SLC60A1: variants seen among roughly 807,000 people sequenced by gnomAD.
SLC60A1 encodes the protein solute carrier family 60 member 1.
At chr1:205,586,083 CTG>C in the SLC60A1 span, 2 of 1,613,332 alleles carry the variant, frequency 1.2e-6, no homozygotes, top group Non-Finnish European at 1.7e-6. Flanking sequence ...AAGCCCCTGT[CTG>C]TGGGACACAA....
the SLC60A1 span, among the ~76,000 whole-genome samples, chr1:205,577,479 G>A: frequency 1.3e-5 from 2 of 152,350 alleles, no homozygotes; most frequent in Non-Finnish European, 2.9e-5. The surrounding 1 kb of genome is among the most constrained non-coding windows in gnomAD (Gnocchi z 5.2). Context: ...AGCCAGCAGT[G>A]ATGCTCGCGA....
At chr1:205,592,105 G>GC in the SLC60A1 span, 1 of 1,611,496 alleles carries the variant, frequency 6.2e-7, no homozygotes. Flanking sequence ...TCAGCTTTTC[G>GC]CAATTCCTAA....
chr1:205,574,858 C>T, the SLC60A1 span, among the ~76,000 whole-genome samples: 6 of 152,190 alleles, frequency 3.9e-5, no homozygotes, highest in Admixed American at 2.0e-4. Flanking sequence ...CCATCATGCA[C>T]AAGTTGCAGC....
the SLC60A1 span, chr1:205,586,306 C>A: frequency 1.4e-6 from 2 of 1,404,108 alleles, no homozygotes; most frequent in Non-Finnish European, 2.0e-6. Flanking sequence ...CTACATTCTG[C>A]CAGCAGGATG....
chr1:205,579,956 C>T, the SLC60A1 span: 1 of 1,610,862 alleles, frequency 6.2e-7, no homozygotes, highest in Non-Finnish European at 8.5e-7. Flanking sequence ...CCAGGTAAGC[C>T]CGGCCAGCAG....
the SLC60A1 span, among the ~76,000 whole-genome samples, chr1:205,585,427 G>A: frequency 6.6e-6 from 1 of 152,158 alleles, no homozygotes; most frequent in African/African-American, 2.4e-5. The surrounding 1 kb of genome is among the most constrained non-coding windows in gnomAD (Gnocchi z 4.2). Flanking sequence ...AGGCCCAGCT[G>A]TTCATGCCAC....
the SLC60A1 span, chr1:205,592,241 C>G: frequency 6.2e-7 from 1 of 1,614,158 alleles, no homozygotes; most frequent in Non-Finnish European, 8.5e-7. Context: ...TCAGCAGCAC[C>G]TTCCCCAGCA....
chr1:205,580,858 G>A, the SLC60A1 span: 1 of 1,614,162 alleles, frequency 6.2e-7, no homozygotes, highest in East Asian at 2.2e-5. The surrounding 1 kb of genome is among the most constrained non-coding windows in gnomAD (Gnocchi z 5.0). Context: ...TCCCAGGGCT[G>A]ACTCCAAAGG....
the SLC60A1 span, among the ~76,000 whole-genome samples, chr1:205,591,498 AAAAAGG>A: frequency 3.7e-5 from 5 of 133,936 alleles, 1 homozygote; most frequent in East Asian, 2.2e-4. Context: ...AAAAAAAAAA[AAAAAGG>A]AAAGAAAAGA....
At chr1:205,575,179 G>T in the SLC60A1 span, among the ~76,000 whole-genome samples, 1 of 152,198 alleles carries the variant, frequency 6.6e-6, no homozygotes, top group Non-Finnish European at 1.5e-5. Flanking sequence ...CTTCTGGGCT[G>T]CTGCCCCTTT....
the SLC60A1 span, among the ~76,000 whole-genome samples, chr1:205,575,203 G>A: frequency 6.6e-6 from 1 of 152,166 alleles, no homozygotes; most frequent in African/African-American, 2.4e-5. Context: ...GGTGGATAGG[G>A]GCTAGGGACA....
chr1:205,595,484 T>G, the SLC60A1 span, among the ~76,000 whole-genome samples: 1 of 152,190 alleles, frequency 6.6e-6, no homozygotes, highest in Non-Finnish European at 1.5e-5. Flanking sequence ...CTGTCTCTCA[T>G]GTTTGACCCA....
the SLC60A1 span, among the ~76,000 whole-genome samples, chr1:205,571,785 A>G: frequency 6.6e-6 from 1 of 152,204 alleles, no homozygotes; most frequent in Non-Finnish European, 1.5e-5. Flanking sequence ...TTAAAATGCA[A>G]TACCCCTGCA....
At chr1:205,579,677 A>G in the SLC60A1 span, 1 of 1,546,894 alleles carries the variant, frequency 6.5e-7, no homozygotes, top group Non-Finnish European at 8.9e-7. Flanking sequence ...TGCCCAGACC[A>G]CCCAGTGAAT....
chr1:205,600,591 G>C, the SLC60A1 span: 125 of 845,982 alleles, frequency 1.5e-4, no homozygotes, highest in Admixed American at 2.9e-3. Flanking sequence ...ACTAAAACTT[G>C]GTTGGGTAGA....
chr1:205,584,217 G>GT, the SLC60A1 span: 93 of 688,962 alleles, frequency 1.3e-4, no homozygotes, highest in Non-Finnish European at 1.8e-4. Context: ...GATCACAGGT[G>GT]ATTTTTTTTT....
chr1:205,594,162 T>A, the SLC60A1 span, among the ~76,000 whole-genome samples: 1 of 152,234 alleles, frequency 6.6e-6, no homozygotes, highest in African/African-American at 2.4e-5. Context: ...ACACAGTCTC[T>A]CCCTGCAGCT....
At chr1:205,579,607 G>A in the SLC60A1 span, 2 of 905,066 alleles carry the variant, frequency 2.2e-6, no homozygotes, top group Non-Finnish European at 3.5e-6. Context: ...CAGCTAATAA[G>A]TGAGCAGCTT....
At chr1:205,592,181 C>T in the SLC60A1 span, 2 of 1,614,164 alleles carry the variant, frequency 1.2e-6, no homozygotes, top group South Asian at 2.2e-5. Flanking sequence ...TTATTTTCTC[C>T]TACAACGTCG....
Sources: gnomAD v4.1 joint callset for allele counts (sites outside exome capture counted in the v4.1 genomes callset) on GRCh38, gnomAD v4.1.1 for gene constraint, Gnocchi (gnomAD v3.1) non-coding constraint, MANE v1.5 for transcripts, NCBI Gene and HGNC (gene_info 2026-07-23, HGNC 2026-07-21) for gene names.